Variants in AKAP3 observed in about 807,000 individuals in gnomAD.
The protein encoded by AKAP3 is A-kinase anchor protein 3.
In AKAP3, 27 loss-of-function variants were observed where a neutral mutation model predicts 57.2. The ratio of observed to expected loss-of-function variants is 0.47; its 90% confidence interval spans 0.35 to 0.65. The LOEUF is 0.65. Ranked by LOEUF, AKAP3 falls within the 30% of genes least tolerant of loss-of-function variation. AKAP3 has a pLI of 0.01. For synonymous variants in AKAP3, 334 were observed against 392.3 expected (o/e 0.85, Z 1.76); for missense variants, 959 against 1,040.0 (o/e 0.92, Z 1.07).
At position 4,626,683 on chromosome 12, in the gene AKAP3, T is replaced by C; in HGVS notation, c.2219A>G (p.Glu740Gly). The C allele has an allele frequency of 2.5e-6, 4 of 1,614,192 alleles. No individual in the cohort carries two copies. The highest frequency in any genetic ancestry group is 3.4e-6 in the Non-Finnish European group (4 of 1,180,032). ...GGGCTGTCCTGATGTGCCTCTCATT[T>C]CATTATGGATAGCTTGATAGGCATT... ...LQNAYQAIHNEMRGTSGQPPE... is the reference protein window; with the variant it reads ...LQNAYQAIHNGMRGTSGQPPE... Residue 740 changes from glutamate (E) to glycine (G), a missense_variant, in exon 5 of 6, where the codon GAA (glutamate) becomes GGA (glycine). Glu to Gly is a moderately conservative substitution (Grantham distance 98). Transcript: ENST00000228850.
intron 4 of AKAP3, among the ~76,000 whole-genome samples, chr12:4,637,742 A>G (rs1414773127): frequency 5.3e-5 from 8 of 152,170 alleles, no homozygotes; most frequent in Admixed American, 3.9e-4. Context: ...AATATTTTCT[A>G]TAAGCCTTGG....
intron 4 of AKAP3, among the ~76,000 whole-genome samples, chr12:4,630,593 T>C (rs938567056): frequency 2.0e-5 from 3 of 152,230 alleles, no homozygotes; most frequent in African/African-American, 7.2e-5. Context: ...TTCTCCTAAT[T>C]AGAATAATAG....
At chr12:4,639,743 A>T (rs1470335374) in intron 3 of AKAP3, among the ~76,000 whole-genome samples, 1 of 152,020 alleles carries the variant, frequency 6.6e-6, no homozygotes, top group Admixed American at 6.6e-5. Flanking sequence ...CTGTCACTAC[A>T]AAGGACATGA....
At chr12:4,638,802 T>C (rs1187072013) in intron 3 of AKAP3, among the ~76,000 whole-genome samples, 2 of 152,218 alleles carry the variant, frequency 1.3e-5, no homozygotes, top group African/African-American at 4.8e-5. Context: ...ACAAAAGAGA[T>C]GTCATGTGCG....
intron 4 of AKAP3, chr12:4,635,370 G>T: frequency 1.6e-6 from 1 of 622,986 alleles, no homozygotes; most frequent in South Asian, 1.7e-5. Flanking sequence ...ACTCCTGTTT[G>T]GTTGTGTGGG....
chr12:4,646,974 G>T (rs1176636474), intron 1 of AKAP3, among the ~76,000 whole-genome samples: 1 of 151,868 alleles, frequency 6.6e-6, no homozygotes, highest in Non-Finnish European at 1.5e-5. Flanking sequence ...GTAGAGGCTG[G>T]GTTTCACTAT....
chr12:4,635,571 T>C (rs1945554300), intron 4 of AKAP3: 2 of 711,614 alleles, frequency 2.8e-6, no homozygotes, highest in East Asian at 4.9e-5. Flanking sequence ...ACTGCTCTTT[T>C]ATTTGCTAGG....
intron 2 of AKAP3, among the ~76,000 whole-genome samples, chr12:4,643,020 C>T (rs1369426219): frequency 5.9e-5 from 9 of 152,324 alleles, no homozygotes; most frequent in East Asian, 5.8e-4. Context: ...ATACGTTCAC[C>T]GCACAGACTT....
At position 4,648,922 on chromosome 12, in the gene AKAP3, A is replaced by G. The variant is rs886681644; in HGVS notation, c.-422T>C. 2.1e-5 allele frequency: 13 copies of G among 612,072 alleles called. No homozygotes were observed. Among genetic ancestry groups the G allele is most frequent in the Non-Finnish European group, 3.4e-5 (12 of 348,580 alleles). The allele number at this position is 612,072 out of a possible 1,614,324, so 37.9% of individuals were successfully genotyped here. On this transcript the variant is annotated 5_prime_UTR_variant, in exon 1 of 6. Coordinates refer to ENST00000228850, the MANE Select transcript of AKAP3 (RefSeq NM_001278309.2). The stretch of plus-strand genomic sequence containing the variant: ...AAATAGCCTATACAGCCTATTCCAG[A>G]TCTGAGATTCCAACAGCCAAAGTCT...
chr12:4,629,297 C>T (rs1047135502), intron 4 of AKAP3, among the ~76,000 whole-genome samples: 1 of 152,184 alleles, frequency 6.6e-6, no homozygotes, highest in African/African-American at 2.4e-5. Flanking sequence ...TTTTTTATGG[C>T]TGCATAGTAT....
At chr12:4,616,297 G>A (rs1372697377) in intron 5 of AKAP3, among the ~76,000 whole-genome samples, 1 of 152,160 alleles carries the variant, frequency 6.6e-6, no homozygotes, top group African/African-American at 2.4e-5. Context: ...CAACCCTCAT[G>A]AAAATGTTTC....
chr12:4,645,884 T>C (rs146144211), intron 1 of AKAP3: 174 of 152,236 alleles, frequency 1.1e-3, no homozygotes, highest in African/African-American at 4.0e-3. Context: ...GAGTAAGTAT[T>C]ATGTATTAAC....
Position 4,625,198 on chromosome 12 carries a change from A to G in AKAP3, c.2406+1298T>C, listed in dbSNP as rs917667339. Reference sequence around the variant, plus strand: ...AATAGATCTAATATTGGAAGTTCACACTGTCTTCTAGCCTAACTTGAATGT... The same window carrying G: ...AATAGATCTAATATTGGAAGTTCACGCTGTCTTCTAGCCTAACTTGAATGT... On this transcript the variant is annotated intron_variant, in intron 5 of 5. Transcript: ENST00000228850. This position sits in a 1 kb window ranked among gnomAD's most constrained non-coding sequence, Gnocchi z 5.4. Among the ~76,000 whole-genome samples, 2 of 152,164 alleles carry G rather than the reference A, an allele frequency of 1.3e-5. No individual in the cohort carries two copies. Among genetic ancestry groups the G allele is most frequent in the African/African-American group, 4.8e-5 (2 of 41,444 alleles).
At chr12:4,636,250 A>C in intron 4 of AKAP3, 1 of 428,756 alleles carries the variant, frequency 2.3e-6, no homozygotes, top group South Asian at 2.4e-5. Flanking sequence ...CTGGAGGTAA[A>C]GAAACCTCAG....
rs1945735870 is a variant in AKAP3, at chr12:4,649,036, G to T, written c.-536C>A. The T allele has an allele frequency of 3.4e-6, 5 of 1,458,068 alleles. 1 individual carries two copies. In the South Asian group the frequency reaches 4.9e-5, roughly 14 times the overall value. The allele number at this position is 1,458,068 out of a possible 1,614,324, so 90.3% of individuals were successfully genotyped here. On this transcript the variant is annotated 5_prime_UTR_variant, in exon 1 of 6. Coordinates refer to ENST00000228850, the MANE Select transcript of AKAP3 (RefSeq NM_001278309.2). ...CCGAAACCGTCGTTTCTTGGTTAGC[G>T]CTTGCGCAGACAGGCGAGAAAGGTA...
chr12:4,636,154 AT>A, intron 4 of AKAP3: 1 of 686,452 alleles, frequency 1.5e-6, no homozygotes, highest in Non-Finnish European at 2.6e-6. Context: ...TTGCGCCTCG[AT>A]TAGCCATGTT....
chr12:4,626,736 GC>G lies in AKAP3; in HGVS notation c.2165del (p.Gly722AlafsTer20), dbSNP rs1230860183. On this transcript the variant is annotated frameshift_variant, in exon 5 of 6. Transcript: ENST00000228850. LOFTEE classifies it high-confidence loss of function. ...GCAGGACAGCTTCTGCTGACCCTGTGCCCTTGGCTGGTAAGCACTCATATAA... is the reference window on the plus strand; with the variant it reads ...GCAGGACAGCTTCTGCTGACCCTGTGCCTTGGCTGGTAAGCACTCATATAA... ...DSLYECLPAKGTGSAEAVLQN... is the reference protein window; with the variant it reads ...DSLYECLPAKXTGSAEAVLQN... 7.4e-6 allele frequency: 12 copies of G among 1,614,078 alleles called. No homozygotes were observed. The highest frequency in any genetic ancestry group is 1.7e-5 in the Admixed American group (1 of 60,000).
At position 4,615,654 on chromosome 12, in the gene AKAP3, A is replaced by AG. The variant is rs1035646173; in HGVS notation, c.*84dup. On this transcript the variant is annotated 3_prime_UTR_variant, in exon 6 of 6. Coordinates refer to ENST00000228850, the MANE Select transcript of AKAP3 (RefSeq NM_001278309.2). Reference sequence around the variant, plus strand: ...ATGTTAGGGCTCTGTGAGGATATAGAGGGGGAGATGTGGAAGTGAGAAAGA... The same window carrying AG: ...ATGTTAGGGCTCTGTGAGGATATAGAGGGGGGAGATGTGGAAGTGAGAAAGA... The AG allele has an allele frequency of 2.1e-5, 31 of 1,485,908 alleles. No homozygotes were observed. In the African/African-American group the frequency reaches 4.2e-4, roughly 20 times the overall value. The allele number at this position is 1,485,908 out of a possible 1,614,324, so 92.0% of individuals were successfully genotyped here. A position where few individuals can be genotyped will look rare whatever the true frequency, so the allele number is the denominator to read the frequency against.
intron 3 of AKAP3, among the ~76,000 whole-genome samples, chr12:4,639,143 C>G (rs968321933): frequency 2.6e-5 from 4 of 152,206 alleles, no homozygotes; most frequent in Non-Finnish European, 5.9e-5. Flanking sequence ...CTTAGTCTCA[C>G]ACACTTTCCA....
Sources: allele counts gnomAD v4.1 joint callset (sites outside exome capture counted in the v4.1 genomes callset), GRCh38; gene constraint gnomAD v4.1.1; non-coding constraint Gnocchi (gnomAD v3.1); transcripts MANE v1.5; gene names NCBI Gene and HGNC (gene_info 2026-07-23, HGNC 2026-07-21).